Variants in FAM168A observed in about 807,000 individuals in gnomAD.
The protein encoded by FAM168A is protein FAM168A.
FAM168A carries 3 observed loss-of-function variants against 28.5 expected under a neutral mutation model. That is an observed-to-expected ratio of 0.11 (90% CI 0.05 to 0.27). The LOEUF (loss-of-function observed/expected upper bound fraction) is 0.27. FAM168A is among the 10% of genes least tolerant of loss of function. The pLI, the probability that FAM168A is intolerant of heterozygous loss-of-function variation, is 1.00. For missense variants in FAM168A, 222 were observed against 311.5 expected (o/e 0.71, Z 2.16); for synonymous variants, 122 against 124.2 (o/e 0.98, Z 0.12).
At chr11:73,428,903 T>C (rs141421407) in intron 3 of FAM168A, among the ~76,000 whole-genome samples, 119 of 152,336 alleles carry the variant, frequency 7.8e-4, no homozygotes, top group African/African-American at 2.2e-3. Flanking sequence ...CCAAAGTATC[T>C]TGGGCATAAC....
At chr11:73,561,402 T>G (rs1053207285) in intron 1 of FAM168A, among the ~76,000 whole-genome samples, 1 of 152,018 alleles carries the variant, frequency 6.6e-6, no homozygotes, top group African/African-American at 2.4e-5. Flanking sequence ...TATCCTTCTC[T>G]CCTAGGCTTC....
intron 4 of FAM168A, among the ~76,000 whole-genome samples, chr11:73,413,485 G>T (rs1866649993): frequency 6.6e-6 from 1 of 152,202 alleles, no homozygotes; most frequent in Admixed American, 6.5e-5. Context: ...AGGAGGAGAA[G>T]CAGATACTGT....
chr11:73,549,090 C>A (rs375424618), intron 1 of FAM168A, among the ~76,000 whole-genome samples: 1 of 152,080 alleles, frequency 6.6e-6, no homozygotes, highest in East Asian at 1.9e-4. Flanking sequence ...TACAGGCATG[C>A]GCCACCATGC....
At chr11:73,480,512 T>G (rs1293861844) in intron 1 of FAM168A, among the ~76,000 whole-genome samples, 1 of 152,098 alleles carries the variant, frequency 6.6e-6, no homozygotes, top group Non-Finnish European at 1.5e-5. Context: ...TTAAAAGAAC[T>G]CATCTTTTAG....
intron 2 of FAM168A, among the ~76,000 whole-genome samples, chr11:73,439,371 C>G (rs1470431858): frequency 6.6e-6 from 1 of 152,188 alleles, no homozygotes; most frequent in African/African-American, 2.4e-5. Flanking sequence ...GAAAGCATAC[C>G]TATCCAGGTT....
At chr11:73,562,970 T>A (rs921602146) in intron 1 of FAM168A, among the ~76,000 whole-genome samples, 3 of 152,212 alleles carry the variant, frequency 2.0e-5, no homozygotes, top group Non-Finnish European at 2.9e-5. Flanking sequence ...TAATATTCAA[T>A]GGGACATCAC....
At chr11:73,509,194 G>A (rs964580261) in intron 1 of FAM168A, among the ~76,000 whole-genome samples, 1 of 152,218 alleles carries the variant, frequency 6.6e-6, no homozygotes, top group African/African-American at 2.4e-5. Flanking sequence ...AGGGAAAGCA[G>A]CTTATCCATG....
At chr11:73,537,836 T>C (rs1486006917) in intron 1 of FAM168A, among the ~76,000 whole-genome samples, 2 of 152,346 alleles carry the variant, frequency 1.3e-5, no homozygotes, top group East Asian at 1.9e-4. Context: ...TTCCCAATGA[T>C]GGTGGCAAAT....
chr11:73,487,164 C>T (rs1236175101), intron 1 of FAM168A, among the ~76,000 whole-genome samples: 1 of 152,108 alleles, frequency 6.6e-6, no homozygotes, highest in Non-Finnish European at 1.5e-5. Context: ...TGGCTCTGTA[C>T]ATTCCATGCT....
chr11:73,453,157 T>C (rs1469337312), intron 2 of FAM168A, among the ~76,000 whole-genome samples: 1 of 152,222 alleles, frequency 6.6e-6, no homozygotes, highest in Non-Finnish European at 1.5e-5. Flanking sequence ...TACACTTTGG[T>C]AGAAAAGTTT....
chr11:73,582,338 A>G (rs1305191266), intron 1 of FAM168A, among the ~76,000 whole-genome samples: 2 of 151,826 alleles, frequency 1.3e-5, no homozygotes, highest in African/African-American at 4.8e-5. Flanking sequence ...CGGCTAACAC[A>G]GTGAAACCCC....
At chr11:73,515,016 T>C (rs534719280) in intron 1 of FAM168A, among the ~76,000 whole-genome samples, 11 of 152,120 alleles carry the variant, frequency 7.2e-5, no homozygotes, top group Non-Finnish European at 1.5e-4. Context: ...CAGTGTCCTT[T>C]TAAAGCAATG....
intron 1 of FAM168A, among the ~76,000 whole-genome samples, chr11:73,519,698 T>C (rs1176263477): frequency 1.3e-5 from 2 of 151,854 alleles, no homozygotes; most frequent in Admixed American, 6.6e-5. Flanking sequence ...CTTGACAGGC[T>C]CTCAGAGGAG....
chr11:73,441,144 C>T (rs1867187357), intron 2 of FAM168A, among the ~76,000 whole-genome samples: 1 of 151,876 alleles, frequency 6.6e-6, no homozygotes, highest in South Asian at 2.1e-4. Context: ...CCACAACCTC[C>T]GCATCCCGGG....
intron 2 of FAM168A, among the ~76,000 whole-genome samples, chr11:73,433,076 C>CTTTTTTTTTTTTTTTTTTTTTTTTTT (rs34994742): frequency 6.2e-5 from 5 of 80,602 alleles, no homozygotes; most frequent in African/African-American, 3.4e-4. Context: ...CACGCCCCGC[C>CTTTTTTTTTTTTTTTTTTTTTTTTTT]TTTTTTTTTT....
intron 1 of FAM168A, among the ~76,000 whole-genome samples, chr11:73,504,890 AAACT>A (rs1362973889): frequency 6.6e-6 from 1 of 152,152 alleles, no homozygotes; most frequent in Non-Finnish European, 1.5e-5. Flanking sequence ...CATCCTCAGC[AAACT>A]AACACAGGAA....
chr11:73,554,281 G>T (rs2134695841), intron 1 of FAM168A, among the ~76,000 whole-genome samples: 1 of 151,926 alleles, frequency 6.6e-6, no homozygotes. Context: ...GGGAGGCTAA[G>T]ACAGAAGATC....
intron 2 of FAM168A, among the ~76,000 whole-genome samples, chr11:73,456,559 T>A (rs1382937617): frequency 6.6e-6 from 1 of 151,980 alleles, no homozygotes; most frequent in Non-Finnish European, 1.5e-5. Flanking sequence ...AAAAAAAAAA[T>A]CCTTACTCGA....
At chr11:73,544,923 A>AT (rs1943715575) in intron 1 of FAM168A, among the ~76,000 whole-genome samples, 1 of 88,318 alleles carries the variant, frequency 1.1e-5, no homozygotes, top group African/African-American at 6.1e-5. Context: ...TATTATATAT[A>AT]ATATAAAATA....
Sources: allele counts gnomAD v4.1 joint callset (sites outside exome capture counted in the v4.1 genomes callset), GRCh38; gene constraint gnomAD v4.1.1; transcripts MANE v1.5; gene names NCBI Gene and HGNC (gene_info 2026-07-23, HGNC 2026-07-21).